The following ULK4 variants were observed in gnomAD, a reference collection of about 807,000 sequenced individuals.
The protein encoded by ULK4 is inactive serine/threonine-protein kinase ULK4.
In ULK4, 133 loss-of-function variants were observed where a neutral mutation model predicts 160.6. The ratio of observed to expected loss-of-function variants is 0.83; its 90% CI spans 0.72 to 0.96. The LOEUF (loss-of-function observed/expected upper bound fraction) is 0.96, where lower values mean the gene tolerates loss of function less well. Ranked by LOEUF, ULK4 falls within the 40% of genes least tolerant of loss-of-function variation. ULK4 has a pLI of 0.00. For missense variants in ULK4, 1,580 were observed against 1,499.5 expected (o/e 1.05, Z -0.89); for synonymous variants, 534 against 539.8 (o/e 0.99, Z 0.15).
At chr3:41,418,177 A>G (rs919698463) in intron 34 of ULK4, among the ~76,000 whole-genome samples, 1 of 152,128 alleles carries the variant, frequency 6.6e-6, no homozygotes, top group African/African-American at 2.4e-5. Flanking sequence ...CTCTGTTCCT[A>G]ACACAGTCCA....
intron 35 of ULK4, among the ~76,000 whole-genome samples, chr3:41,279,755 A>G (rs1443984405): frequency 6.6e-6 from 1 of 152,180 alleles, no homozygotes; most frequent in Non-Finnish European, 1.5e-5. Context: ...AAACAAACAA[A>G]TGCTGAGAGA....
intron 5 of ULK4, 73 bp from the exon 6 acceptor site, chr3:41,919,891 A>T: frequency 1.2e-6 from 1 of 864,692 alleles, no homozygotes; most frequent in South Asian, 1.9e-5. Flanking sequence ...CCTAGGAAAG[A>T]TCTGATGAGA....
rs1473281220 is a variant in ULK4 at position 41,778,070 on chromosome 3, T to G, written c.2193+11591A>C. On this transcript the variant is annotated intron_variant, in intron 21 of 36. Transcript: ENST00000301831. Reference sequence around the variant, plus strand: ...CCCTGTTTGCAGACGACATGATTGTTTATCTAGAAAACCCCACTGTCTCAG... The same window carrying G: ...CCCTGTTTGCAGACGACATGATTGTGTATCTAGAAAACCCCACTGTCTCAG... 7.1e-5 allele frequency among the ~76,000 whole-genome samples: 9 copies of G among 127,032 alleles called. 1 individual carries two copies. Among genetic ancestry groups the G allele is most frequent in the Non-Finnish European group, 1.1e-4 (7 of 62,672 alleles). 83.3% of individuals were successfully genotyped at this position (127,032 alleles called of 152,430 possible).
chr3:41,296,355 G>T (rs542887746), intron 35 of ULK4, among the ~76,000 whole-genome samples: 1 of 152,212 alleles, frequency 6.6e-6, no homozygotes, highest in African/African-American at 2.4e-5. Context: ...CTGAAGAGAA[G>T]GGTTGGAAGT....
chr3:41,444,577 T>C lies in ULK4; in HGVS notation c.3492+10920A>G, dbSNP rs575497520. ...GGTTCTAATATCTAACCTTGAGATT[T>C]GGTTATTAGAGTCTAATTATTAAGA... On this transcript the variant is annotated intron_variant, in intron 34 of 36. Coordinates refer to ENST00000301831, the MANE Select transcript of ULK4 (RefSeq NM_017886.4). Among the ~76,000 whole-genome samples, 92 of 152,364 alleles carry C rather than the reference T, an allele frequency of 6.0e-4. 2 individuals carry two copies. Among genetic ancestry groups the C allele is most frequent in the South Asian group, 2.9e-3 (14 of 4,828 alleles).
intron 1 of ULK4, among the ~76,000 whole-genome samples, chr3:41,961,558 C>CCT (rs1700673132): frequency 1.3e-4 from 1 of 7,796 alleles, no homozygotes; most frequent in Non-Finnish European, 8.3e-4. Context: ...TCACCCCCCC[C>CCT]CCCCCCCCCC....
chr3:41,627,348 T>C (rs1001057011), intron 30 of ULK4, among the ~76,000 whole-genome samples: 1 of 152,158 alleles, frequency 6.6e-6, no homozygotes, highest in African/African-American at 2.4e-5. Context: ...GGTTGGTCCA[T>C]GGAGCTGCCC....
chr3:41,804,764 G>A (rs569968967), intron 19 of ULK4, among the ~76,000 whole-genome samples: 1 of 152,060 alleles, frequency 6.6e-6, no homozygotes, highest in Non-Finnish European at 1.5e-5. Flanking sequence ...GCTTGTTTTT[G>A]TCAGGTTTGT....
At chr3:41,269,375 G>A (rs572867610) in intron 35 of ULK4, among the ~76,000 whole-genome samples, 65 of 152,000 alleles carry the variant, frequency 4.3e-4, no homozygotes, top group South Asian at 1.9e-3. Context: ...CAGAGACCTG[G>A]CCTATGGTAG....
rs367765038 is a variant in ULK4 at position 41,614,577 on chromosome 3, C to T, written c.3120+1092G>A. 8.5e-4 allele frequency among the ~76,000 whole-genome samples: 130 copies of T among 152,278 alleles called. No individual in the cohort carries two copies. In the Middle Eastern group the frequency reaches 0.01, roughly 12 times the overall value. On this transcript the variant is annotated intron_variant, in intron 31 of 36. Coordinates refer to ENST00000301831, the MANE Select transcript of ULK4 (RefSeq NM_017886.4). ...TTCTTACAATTCTAAGCAACTCAGT[C>T]CAGGCTCTAACCTTACATGTTCCAC...
intron 19 of ULK4, among the ~76,000 whole-genome samples, chr3:41,806,263 T>C (rs1444665527): frequency 6.6e-6 from 1 of 151,416 alleles, no homozygotes; most frequent in African/African-American, 2.4e-5. Context: ...TTTTCTAGTT[T>C]ATTTGCGTAG....
chr3:41,856,585 A>ATGTAAGC (rs2042363004), intron 17 of ULK4, among the ~76,000 whole-genome samples: 1 of 77,052 alleles, frequency 1.3e-5, no homozygotes, highest in Non-Finnish European at 2.4e-5. Context: ...GTGTATATAT[A>ATGTAAGC]TACACATATA....
At chr3:41,759,742 A>C (rs2038924504) in intron 21 of ULK4, among the ~76,000 whole-genome samples, 1 of 152,202 alleles carries the variant, frequency 6.6e-6, no homozygotes, top group African/African-American at 2.4e-5. Context: ...CGGTAATCAA[A>C]ACAATGTAGT....
chr3:41,726,285 T>C (rs777053393), intron 22 of ULK4, among the ~76,000 whole-genome samples: 54 of 152,150 alleles, frequency 3.5e-4, no homozygotes, highest in Admixed American at 2.0e-3. Context: ...TCCATAACAG[T>C]TTAAAACTAA....
At chr3:41,846,791 C>T (rs1355880925) in intron 17 of ULK4, among the ~76,000 whole-genome samples, 5 of 134,332 alleles carry the variant, frequency 3.7e-5, no homozygotes, top group South Asian at 2.2e-4. Flanking sequence ...GGCGACAGAG[C>T]GAGACTCTCT....
At chr3:41,272,343 G>GTTTTTTTTTT (rs3038324) in intron 35 of ULK4, among the ~76,000 whole-genome samples, 1 of 95,474 alleles carries the variant, frequency 1.0e-5, no homozygotes, top group Non-Finnish European at 2.1e-5. Context: ...AATTTTGAAA[G>GTTTTTTTTTT]TTTTTTTTTT....
At chr3:41,796,715 G>A (rs1209533801) in intron 20 of ULK4, among the ~76,000 whole-genome samples, 2 of 152,148 alleles carry the variant, frequency 1.3e-5, no homozygotes, top group Admixed American at 6.5e-5. Context: ...AAATATAAAT[G>A]TCTATGCATG....
intron 34 of ULK4, among the ~76,000 whole-genome samples, chr3:41,431,527 G>A (rs1321951754): frequency 1.9e-5 from 2 of 102,610 alleles, no homozygotes; most frequent in Admixed American, 1.9e-4. Context: ...ACAATCCTGT[G>A]AGGTGTTGTA....
At chr3:41,410,460 T>C (rs993456201) in intron 34 of ULK4, among the ~76,000 whole-genome samples, 2 of 151,686 alleles carry the variant, frequency 1.3e-5, no homozygotes, top group African/African-American at 4.8e-5. Context: ...ATACCCAAAA[T>C]AGGCCAGTTT....
Sources: gnomAD v4.1 joint callset for allele counts (sites outside exome capture counted in the v4.1 genomes callset) on GRCh38, gnomAD v4.1.1 for gene constraint, MANE v1.5 for transcripts, NCBI Gene and HGNC (gene_info 2026-07-23, HGNC 2026-07-21) for gene names.